The following SKAP1 variants were observed in gnomAD, a reference collection of about 807,000 sequenced individuals.
The protein encoded by SKAP1 is src kinase-associated phosphoprotein 1.
Under a neutral mutation model 58.5 loss-of-function variants are expected in SKAP1, and 44 were observed. The observed-to-expected ratio is 0.75, with a 90% confidence interval of 0.59 to 0.97. The LOEUF (loss-of-function observed/expected upper bound fraction) is 0.97, where lower values mean the gene tolerates loss of function less well. Ranked by LOEUF, SKAP1 falls within the 50% of genes least tolerant of loss-of-function variation. The pLI is 0.00. For synonymous variants in SKAP1, 127 were observed against 149.7 expected (o/e 0.85, Z 1.11); for missense variants, 390 against 435.2 (o/e 0.90, Z 0.92).
intron 10 of SKAP1, among the ~76,000 whole-genome samples, chr17:48,168,736 T>C (rs1361671957): frequency 2.6e-5 from 4 of 152,160 alleles, no homozygotes; most frequent in Admixed American, 6.6e-5. Flanking sequence ...GTCTATGACA[T>C]AGGAATTCAC....
chr17:48,284,250 A>G lies in SKAP1; in HGVS notation c.280+61655T>C, dbSNP rs143996111. Among the ~76,000 whole-genome samples, 70 of 152,372 alleles carry G rather than the reference A, an allele frequency of 4.6e-4. No homozygotes were observed. The East Asian group carries it at 0.011, about 23-fold the overall frequency. Reference sequence around the variant, plus strand: ...TGTTTTTAAAAAGTAGGTCACGAATAGAACCAATAAAGATAAGAAATAATT... The same window carrying G: ...TGTTTTTAAAAAGTAGGTCACGAATGGAACCAATAAAGATAAGAAATAATT... On this transcript the variant is annotated intron_variant, in intron 4 of 12. Coordinates refer to ENST00000336915, the MANE Select transcript of SKAP1 (RefSeq NM_003726.4).
At chr17:48,179,253 T>C (rs778143523) in intron 9 of SKAP1, among the ~76,000 whole-genome samples, 5 of 152,214 alleles carry the variant, frequency 3.3e-5, no homozygotes, top group Non-Finnish European at 7.3e-5. Flanking sequence ...AGGAATGATC[T>C]TTCTGAATGG....
intron 2 of SKAP1, among the ~76,000 whole-genome samples, chr17:48,364,877 C>A (rs1390666813): frequency 6.6e-6 from 1 of 151,884 alleles, no homozygotes; most frequent in African/African-American, 2.4e-5. Context: ...CCCTTGAAGT[C>A]TTTTATTTAT....
At chr17:48,232,721 G>A (rs1406399076) in intron 4 of SKAP1, among the ~76,000 whole-genome samples, 1 of 152,128 alleles carries the variant, frequency 6.6e-6, no homozygotes, top group Non-Finnish European at 1.5e-5. Flanking sequence ...TTGCTGTCAT[G>A]TCACTAGGAG....
chr17:48,401,076 C>G (rs1399960146), intron 1 of SKAP1, among the ~76,000 whole-genome samples: 1 of 152,074 alleles, frequency 6.6e-6, no homozygotes, highest in Non-Finnish European at 1.5e-5. Flanking sequence ...GAGGCTGAGA[C>G]GGGTGGATCA....
chr17:48,396,731 G>T lies in SKAP1; in HGVS notation c.101C>A (p.Ala34Glu), dbSNP rs758006067. 1.3e-5 allele frequency: 21 copies of T among 1,613,632 alleles called. No homozygotes were observed. The highest frequency in any genetic ancestry group is 3.3e-4 in the Middle Eastern group (2 of 6,060). The stretch of plus-strand genomic sequence containing the variant: ...TAGAATATGGTCTCTGTGATCCCTT[G>T]CAACAGCGCTGAGGTTCTCATTCCG... Reference protein sequence around the residue: ...GLRNENLSAVARDHRDHILRG... With the variant: ...GLRNENLSAVERDHRDHILRG... The change falls in exon 2 of 13, where the codon GCA (alanine) becomes GAA (glutamate). Residue 34 changes from alanine to glutamate, a missense_variant. Ala to Glu is a moderately radical substitution (Grantham distance 107). Coordinates refer to ENST00000336915, the MANE Select transcript of SKAP1 (RefSeq NM_003726.4).
chr17:48,260,416 T>C (rs144788207), intron 4 of SKAP1, among the ~76,000 whole-genome samples: 33 of 152,308 alleles, frequency 2.2e-4, no homozygotes. Context: ...ATTTAAAGTG[T>C]GCTCAACTAT....
chr17:48,297,460 A>G (rs1482820677), intron 4 of SKAP1, among the ~76,000 whole-genome samples: 1 of 152,220 alleles, frequency 6.6e-6, no homozygotes, highest in Non-Finnish European at 1.5e-5. Flanking sequence ...ATTCTTAGTT[A>G]GGAATGGGGC....
chr17:48,353,918 G>C (rs908749689), intron 3 of SKAP1, among the ~76,000 whole-genome samples: 1 of 137,278 alleles, frequency 7.3e-6, no homozygotes, highest in Non-Finnish European at 1.6e-5. Context: ...AAAAAGAAAA[G>C]AAAAGAAGAA....
At chr17:48,253,726 ATC>A (rs57427330) in intron 4 of SKAP1, among the ~76,000 whole-genome samples, 66,768 of 151,640 alleles carry the variant, frequency 0.44, 14,914 homozygotes, top group South Asian at 0.61. Context: ...TGCCTTCCTT[ATC>A]TCTCTCTGAG....
At chr17:48,241,652 T>A (rs2065245234) in intron 4 of SKAP1, among the ~76,000 whole-genome samples, 3 of 152,150 alleles carry the variant, frequency 2.0e-5, no homozygotes, top group Admixed American at 2.0e-4. Flanking sequence ...AAAACAGATC[T>A]AAAACCATGC....
intron 2 of SKAP1, among the ~76,000 whole-genome samples, chr17:48,376,238 T>C (rs1024327037): frequency 6.6e-6 from 1 of 152,164 alleles, no homozygotes; most frequent in African/African-American, 2.4e-5. Context: ...AATGTGTGAC[T>C]GTGGCCCATA....
chr17:48,138,046 A>G (rs1292628468), intron 11 of SKAP1, among the ~76,000 whole-genome samples: 1 of 152,236 alleles, frequency 6.6e-6, no homozygotes, highest in African/African-American at 2.4e-5. Flanking sequence ...GGTGACAGGT[A>G]CATTAATAAT....
intron 11 of SKAP1, among the ~76,000 whole-genome samples, chr17:48,148,417 A>G (rs1185845011): frequency 6.6e-6 from 1 of 152,260 alleles, no homozygotes; most frequent in Admixed American, 6.5e-5. Flanking sequence ...CAATAAAGAC[A>G]GCACCATTTC....
chr17:48,204,918 A>ATCCTTCCT (rs72185809), intron 4 of SKAP1, among the ~76,000 whole-genome samples: 3 of 149,458 alleles, frequency 2.0e-5, no homozygotes, highest in South Asian at 4.4e-4. Flanking sequence ...TGTCAAGGAA[A>ATCCTTCCT]TCCTTCCTTC....
chr17:48,387,851 A>G (rs115698123), intron 2 of SKAP1, among the ~76,000 whole-genome samples: 3,328 of 152,286 alleles, frequency 0.022, 112 homozygotes, highest in African/African-American at 0.074. Context: ...ATTTCAGGAT[A>G]TCCCAGGTAG....
intron 4 of SKAP1, among the ~76,000 whole-genome samples, chr17:48,220,539 G>A (rs1057324170): frequency 2.6e-5 from 4 of 152,134 alleles, no homozygotes; most frequent in African/African-American, 9.7e-5. Flanking sequence ...TTATTTTGGT[G>A]GAGATAACTG....
intron 2 of SKAP1, among the ~76,000 whole-genome samples, chr17:48,374,165 T>G (rs2144445252): frequency 6.6e-6 from 1 of 151,750 alleles, no homozygotes; most frequent in Non-Finnish European, 1.5e-5. Context: ...TTCTTGAGTA[T>G]CTGGGACTAC....
intron 2 of SKAP1, among the ~76,000 whole-genome samples, chr17:48,367,559 TCC>T (rs1598619554): frequency 7.1e-6 from 1 of 140,370 alleles, no homozygotes; most frequent in Non-Finnish European, 1.6e-5. Context: ...TGGATATATA[TCC>T]ATATATATAT....
Sources: gnomAD v4.1 joint callset for allele counts (sites outside exome capture counted in the v4.1 genomes callset) on GRCh38, gnomAD v4.1.1 for gene constraint, MANE v1.5 for transcripts, NCBI Gene and HGNC (gene_info 2026-07-23, HGNC 2026-07-21) for gene names.